The following DST variants were observed in gnomAD, a reference collection of about 807,000 sequenced individuals.
The protein encoded by DST is dystonin.
DST carries 253 observed loss-of-function variants against 875.2 expected under a neutral mutation model. The ratio of observed to expected loss-of-function variants is 0.29; its 90% CI spans 0.26 to 0.32. The LOEUF is 0.32. Among genes scored for constraint, DST ranks in the 10% least tolerant of loss-of-function variants. DST has a pLI of 1.00. For missense variants in DST, 8,287 were observed against 9,111.6 expected (o/e 0.91, Z 3.68); for synonymous variants, 3,124 against 3,197.1 (o/e 0.98, Z 0.77).
At position 56,824,940 on chromosome 6, in the gene DST, C is replaced by T. The variant is rs571699732; in HGVS notation, c.625+26457G>A. On this transcript the variant is annotated intron_variant, in intron 4 of 103. Coordinates refer to ENST00000680361, the MANE Select transcript of DST (RefSeq NM_001374736.1). ...GAGGTGAGGGGTGCCTCTGCCCGGC[C>T]GCCCCTACTGGGAAGTGAGGAGCCC... Among the ~76,000 whole-genome samples, 6 of 151,740 alleles carry T rather than the reference C, an allele frequency of 4.0e-5. 1 individual carries two copies. In the South Asian group the frequency reaches 8.3e-4, roughly 21 times the overall value.
chr6:56,670,691 A>C lies in DST; in HGVS notation c.1164T>G (p.Thr388=). The change falls in exon 10 of 104, where the codon ACT becomes ACG. Residue 388 remains threonine, a synonymous_variant. Coordinates refer to ENST00000680361, the MANE Select transcript of DST (RefSeq NM_001374736.1). The stretch of plus-strand genomic sequence containing the variant: ...ATAATTTTCCATCTCTCCAGCAGGT[A>C]GTGAAATTTTCACACCGAATTCCAG... ...GYAGIRCENF[T]TCWRDGKLFN... The C allele has an allele frequency of 1.2e-6, 2 of 1,608,134 alleles. No homozygotes were observed. The highest frequency in any genetic ancestry group is 1.7e-6 in the Non-Finnish European group (2 of 1,177,104).
At chr6:56,538,685 A>G (rs2097063168) in intron 61 of DST, among the ~76,000 whole-genome samples, 1 of 152,196 alleles carries the variant, frequency 6.6e-6, no homozygotes, top group Non-Finnish European at 1.5e-5. Flanking sequence ...ATCTCCTCCT[A>G]GCTAAAAACT....
At chr6:56,861,279 TG>T (rs1321584683) in intron 3 of DST, among the ~76,000 whole-genome samples, 9 of 152,228 alleles carry the variant, frequency 5.9e-5, no homozygotes, top group Non-Finnish European at 1.0e-4. Flanking sequence ...TGCCCTCTTC[TG>T]AGGAAAGCAG....
In DST at chr6:56,494,076, A is replaced by T. The variant is rs1361399116; in HGVS notation, c.20328T>A (p.Ile6776=). The change falls in exon 83 of 104, where the codon ATT becomes ATA. Residue 6776 remains isoleucine, a synonymous_variant. Transcript: ENST00000680361. The part of the protein sequence containing the change: ...ARCPKSAETN[I]DQDINNLKEK... ...CTTTCAAGTTATTTATGTCTTGGTCAATATTTGTCTCTGCAGATTTTGGGC... is the reference window on the plus strand; with the variant it reads ...CTTTCAAGTTATTTATGTCTTGGTCTATATTTGTCTCTGCAGATTTTGGGC... The T allele has an allele frequency of 2.5e-6, 4 of 1,610,344 alleles. No individual in the cohort carries two copies. Among genetic ancestry groups the T allele is most frequent in the Non-Finnish European group, 3.4e-6 (4 of 1,177,934 alleles).
At chr6:56,875,450 T>C (rs1265370992) in intron 3 of DST, among the ~76,000 whole-genome samples, 1 of 152,266 alleles carries the variant, frequency 6.6e-6, no homozygotes, top group Non-Finnish European at 1.5e-5. Flanking sequence ...TTGTGTAATT[T>C]TAAATTTCAC....
At chr6:56,572,681 A>G in intron 52 of DST, 66 bp downstream of exon 52, 1 of 1,159,462 alleles carries the variant, frequency 8.6e-7, no homozygotes, top group Non-Finnish European at 1.2e-6. Flanking sequence ...TCTGGCACTA[A>G]GTATATGAGT....
intron 49 of DST, among the ~76,000 whole-genome samples, chr6:56,581,854 T>C (rs1321526980): frequency 1.3e-5 from 2 of 152,196 alleles, no homozygotes. Context: ...TCTGAACTCA[T>C]CATCTCATTC....
chr6:56,800,648 T>C (rs931428215), intron 4 of DST, among the ~76,000 whole-genome samples: 1 of 152,116 alleles, frequency 6.6e-6, no homozygotes, highest in African/African-American at 2.4e-5. Context: ...TAGAGAAGCA[T>C]TTTCAGAGGT....
intron 4 of DST, among the ~76,000 whole-genome samples, chr6:56,828,886 G>A (rs1435595599): frequency 6.6e-6 from 1 of 152,044 alleles, no homozygotes; most frequent in Non-Finnish European, 1.5e-5. Flanking sequence ...ATGGGGAGGA[G>A]GGGAAGGGTA....
At chr6:56,514,682 A>G (rs1428397856) in intron 72 of DST, among the ~76,000 whole-genome samples, 1 of 151,982 alleles carries the variant, frequency 6.6e-6, no homozygotes, top group Non-Finnish European at 1.5e-5. Context: ...ACAGATCTGG[A>G]AGAGCAACTA....
chr6:56,535,816 T>C (rs1224219571), intron 62 of DST, among the ~76,000 whole-genome samples: 2 of 152,344 alleles, frequency 1.3e-5, no homozygotes, highest in East Asian at 3.9e-4. Context: ...ACCAGGCCCT[T>C]TGTCTACCAG....
Position 56,488,251 on chromosome 6 carries a change from T to C in DST, c.20878-978A>G, listed in dbSNP as rs368232782. Among the ~76,000 whole-genome samples, 3 of 152,232 alleles carry C rather than the reference T, an allele frequency of 2.0e-5. No individual in the cohort carries two copies. The South Asian group carries it at 6.2e-4, about 31-fold the overall frequency. On this transcript the variant is annotated intron_variant, in intron 86 of 103. Transcript: ENST00000680361. ...AATGTTATGGTTGAATACAGGTCACTGTTGCCAAATAGAGACTTTAAAAAG... is the reference window on the plus strand; with the variant it reads ...AATGTTATGGTTGAATACAGGTCACCGTTGCCAAATAGAGACTTTAAAAAG...
At chr6:56,778,076 C>A (rs1161098617) in intron 4 of DST, among the ~76,000 whole-genome samples, 1 of 152,068 alleles carries the variant, frequency 6.6e-6, no homozygotes, top group Non-Finnish European at 1.5e-5. Flanking sequence ...TTCAGTTATT[C>A]CAGTTACAAA....
At chr6:56,698,408 C>T (rs1362284456) in intron 9 of DST, among the ~76,000 whole-genome samples, 1 of 152,084 alleles carries the variant, frequency 6.6e-6, no homozygotes, top group African/African-American at 2.4e-5. Context: ...TCACTGCAAC[C>T]TCTGCCTCCC....
intron 5 of DST, among the ~76,000 whole-genome samples, chr6:56,732,894 C>CA (rs1474008218): frequency 6.6e-6 from 1 of 152,202 alleles, no homozygotes; most frequent in African/African-American, 2.4e-5. Context: ...TTCACGACTT[C>CA]AAGTGCAGCT....
At chr6:56,573,161 C>T (rs139686132) in intron 51 of DST, 97 bp from the exon 52 acceptor site, 3 of 1,085,460 alleles carry the variant, frequency 2.8e-6, no homozygotes, top group African/African-American at 1.6e-5. Flanking sequence ...CATAAGCTTG[C>T]ACAACCTGTG....
intron 5 of DST, among the ~76,000 whole-genome samples, chr6:56,706,609 G>T (rs538630701): frequency 2.6e-5 from 4 of 152,168 alleles, no homozygotes; most frequent in Non-Finnish European, 5.9e-5. Flanking sequence ...ACAGATGCAG[G>T]GGAGGGTGGT....
chr6:56,588,253 C>T (rs529719266), intron 49 of DST, among the ~76,000 whole-genome samples: 2 of 152,306 alleles, frequency 1.3e-5, no homozygotes, highest in Non-Finnish European at 2.9e-5. Flanking sequence ...TCTCAACTTT[C>T]TGTTCCAGAA....
intron 4 of DST, among the ~76,000 whole-genome samples, chr6:56,738,673 C>G (rs987700946): frequency 3.3e-5 from 5 of 151,738 alleles, no homozygotes; most frequent in African/African-American, 1.2e-4. Context: ...CCAGGCTGGA[C>G]TACAGTGGCA....
Sources: allele counts gnomAD v4.1 joint callset (sites outside exome capture counted in the v4.1 genomes callset), GRCh38; gene constraint gnomAD v4.1.1; transcripts MANE v1.5; gene names NCBI Gene and HGNC (gene_info 2026-07-23, HGNC 2026-07-21).